The following ANKFN1 variants were observed in gnomAD, a reference collection of about 807,000 sequenced individuals.
The protein encoded by ANKFN1 is ankyrin repeat and fibronectin type III domain containing 1.
Under a neutral mutation model 108.7 loss-of-function variants are expected in ANKFN1, and 74 were observed. The observed-to-expected ratio is 0.68, with a 90% CI of 0.56 to 0.83. The LOEUF is 0.83. Among genes scored for constraint, ANKFN1 ranks in the 40% least tolerant of loss-of-function variants. The pLI, the probability that ANKFN1 is intolerant of heterozygous loss-of-function variation, is 0.00. For missense variants in ANKFN1, 1,505 were observed against 1,382.3 expected (o/e 1.09, Z -1.41); for synonymous variants, 547 against 516.2 (o/e 1.06, Z -0.81).
intron 11 of ANKFN1, among the ~76,000 whole-genome samples, chr17:56,454,678 A>G (rs2049625063): frequency 6.6e-6 from 1 of 152,210 alleles, no homozygotes. Context: ...AGGCTGGTCA[A>G]ATTTTCCACA....
intron 4 of ANKFN1, among the ~76,000 whole-genome samples, chr17:56,098,188 C>A (rs1277494866): frequency 6.6e-6 from 1 of 152,112 alleles, no homozygotes; most frequent in Non-Finnish European, 1.5e-5. Flanking sequence ...ACCCCTAGAG[C>A]CTAGAGAAGG....
Position 56,204,935 on chromosome 17 carries a change from G to C in ANKFN1, c.-70-7663G>C, listed in dbSNP as rs187395367. Among the ~76,000 whole-genome samples, 39 of 152,186 alleles carry C rather than the reference G, an allele frequency of 2.6e-4. No individual in the cohort carries two copies. The East Asian group carries it at 6.3e-3, about 24-fold the overall frequency. On this transcript the variant is annotated intron_variant, in intron 1 of 20. Coordinates refer to ENST00000682825, the MANE Select transcript of ANKFN1 (RefSeq NM_001370326.1). Reference sequence around the variant, plus strand: ...CTAAAAACACAAAATAATTAGCCAGGCGTGGTGGCGGGTGCCTGTAGTCCC... The same window carrying C: ...CTAAAAACACAAAATAATTAGCCAGCCGTGGTGGCGGGTGCCTGTAGTCCC...
At chr17:56,395,718 G>T (rs2047562209) in intron 8 of ANKFN1, among the ~76,000 whole-genome samples, 3 of 152,012 alleles carry the variant, frequency 2.0e-5, no homozygotes, top group Admixed American at 2.0e-4. Flanking sequence ...GCATAGTGGT[G>T]CATGCCTGTA....
intron 10 of ANKFN1, among the ~76,000 whole-genome samples, chr17:56,443,813 T>G (rs1250002759): frequency 6.6e-6 from 1 of 152,234 alleles, no homozygotes; most frequent in Non-Finnish European, 1.5e-5. Flanking sequence ...CCATAGATTT[T>G]TCTATGTAAT....
In ANKFN1 at chr17:56,136,685, C is replaced by A. The variant is rs529559766; in HGVS notation, c.288+90360C>A. Among the ~76,000 whole-genome samples, 6 of 152,272 alleles carry A rather than the reference C, an allele frequency of 3.9e-5. No individual in the cohort carries two copies. The South Asian group carries it at 1.2e-3, about 32-fold the overall frequency. ...TAGTAAATGTCATTTATATACCAAA[C>A]CTACAGAATAGAGGGGACAAACAGT... On this transcript the variant is annotated intron_variant, in intron 4 of 12. Coordinates refer to the ANKFN1 transcript ENST00000635860.
intron 6 of ANKFN1, among the ~76,000 whole-genome samples, chr17:56,364,438 T>C (rs1567946057): frequency 6.6e-6 from 1 of 152,226 alleles, no homozygotes; most frequent in African/African-American, 2.4e-5. Flanking sequence ...TTCTTTTTGC[T>C]TTCTTATTGT....
At chr17:56,152,252 A>ATGTG (rs1306006458), upstream of ANKFN1, among the ~76,000 whole-genome samples, 2 of 77,476 alleles carry the variant, frequency 2.6e-5, no homozygotes, top group African/African-American at 8.8e-5. Flanking sequence ...GGAAATATAT[A>ATGTG]TATATATATA....
chr17:56,430,405 A>C (rs899950520), intron 8 of ANKFN1, among the ~76,000 whole-genome samples: 2 of 152,008 alleles, frequency 1.3e-5, no homozygotes, highest in African/African-American at 4.8e-5. Context: ...ATGTAAGTCA[A>C]ATGGTAAAAA....
intron 3 of ANKFN1, among the ~76,000 whole-genome samples, chr17:56,295,127 T>C (rs544192627): frequency 1.1e-4 from 17 of 152,318 alleles, no homozygotes; most frequent in Admixed American, 7.2e-4. Context: ...TATCTGTAAA[T>C]GACCACCGCT....
rs149343757 is a variant in ANKFN1, at chr17:56,365,944, G to A, written c.602-6702G>A. On this transcript the variant is annotated intron_variant, in intron 6 of 20. Coordinates refer to ENST00000682825, the MANE Select transcript of ANKFN1 (RefSeq NM_001370326.1). The stretch of plus-strand genomic sequence containing the variant: ...CCTTCTAATTATTTAAAAAATAATG[G>A]TTAACTGTAAACCAGCCTCAGGTCC... 2.2e-4 allele frequency among the ~76,000 whole-genome samples: 33 copies of A among 152,160 alleles called. No individual in the cohort carries two copies. In the East Asian group the frequency reaches 5.6e-3, roughly 26 times the overall value.
At chr17:56,389,379 G>A (rs1487760301) in intron 8 of ANKFN1, among the ~76,000 whole-genome samples, 1 of 152,204 alleles carries the variant, frequency 6.6e-6, no homozygotes, top group East Asian at 1.9e-4. Context: ...CAGATTAGCG[G>A]TTGCCAAGAG....
chr17:56,150,389 C>G (rs1230444649), upstream of ANKFN1, among the ~76,000 whole-genome samples: 2 of 152,166 alleles, frequency 1.3e-5, no homozygotes, highest in Non-Finnish European at 2.9e-5. Flanking sequence ...ACCGATACCC[C>G]CTTTAGACGT....
At chr17:56,417,912 G>C (rs1222813262) in intron 8 of ANKFN1, among the ~76,000 whole-genome samples, 1 of 152,174 alleles carries the variant, frequency 6.6e-6, no homozygotes, top group East Asian at 1.9e-4. Flanking sequence ...CACACAGGAG[G>C]ATGAGCACTT....
chr17:56,434,480 A>G (rs887874058), intron 8 of ANKFN1, among the ~76,000 whole-genome samples: 2 of 151,894 alleles, frequency 1.3e-5, no homozygotes, highest in African/African-American at 4.8e-5. Context: ...AATTTGGGGA[A>G]AAAAAATGTT....
intron 15 of ANKFN1, among the ~76,000 whole-genome samples, chr17:56,468,363 C>G (rs975532206): frequency 3.9e-5 from 6 of 152,148 alleles, no homozygotes; most frequent in African/African-American, 1.4e-4. Context: ...CCAGCACGCT[C>G]TCTCTGCCTC....
chr17:56,479,541 C>T (rs550340987), intron 16 of ANKFN1, among the ~76,000 whole-genome samples: 1 of 152,286 alleles, frequency 6.6e-6, no homozygotes, highest in South Asian at 2.1e-4. Context: ...GTAAATTTTC[C>T]ATAGTCTTGT....
At position 56,317,808 on chromosome 17, in the gene ANKFN1, A is replaced by T. The variant is rs566546499; in HGVS notation, c.54-8413A>T. Among the ~76,000 whole-genome samples the T allele has an allele frequency of 2.2e-4, 33 of 152,306 alleles. No homozygotes were observed. In the East Asian group the frequency reaches 4.1e-3, roughly 19 times the overall value. Reference sequence around the variant, plus strand: ...CACTGTTGCTGTTGACAACTTCATTATGCCTGTGATATTCAGCTGGGTAAT... The same window carrying T: ...CACTGTTGCTGTTGACAACTTCATTTTGCCTGTGATATTCAGCTGGGTAAT... On this transcript the variant is annotated intron_variant, in intron 3 of 20. Transcript: ENST00000682825.
intron 4 of ANKFN1, among the ~76,000 whole-genome samples, chr17:56,328,662 T>C (rs2045584738): frequency 6.6e-6 from 1 of 152,178 alleles, no homozygotes; most frequent in African/African-American, 2.4e-5. Context: ...TTATGGAATA[T>C]CTGGATTAGA....
At chr17:56,359,333 A>T (rs1395771594) in intron 6 of ANKFN1, among the ~76,000 whole-genome samples, 1 of 152,148 alleles carries the variant, frequency 6.6e-6, no homozygotes, top group Non-Finnish European at 1.5e-5. Context: ...TAATGCTGTT[A>T]TTGTTTTCCA....
Sources: allele counts gnomAD v4.1 joint callset (sites outside exome capture counted in the v4.1 genomes callset), GRCh38; gene constraint gnomAD v4.1.1; transcripts MANE v1.5; gene names NCBI Gene and HGNC (gene_info 2026-07-23, HGNC 2026-07-21).